The following DICER1 variants were observed in gnomAD, a reference collection of about 807,000 sequenced individuals.
DICER1 encodes the protein dicer 1, ribonuclease III, also known as endoribonuclease Dicer.
In DICER1, 43 loss-of-function variants were observed where a neutral mutation model predicts 194.1. That is an observed-to-expected ratio of 0.22 (90% CI 0.17 to 0.29). DICER1 has a LOEUF of 0.29. DICER1 is among the 10% of genes least tolerant of loss of function. The pLI is 1.00. For missense variants in DICER1, 1,608 were observed against 2,317.0 expected (o/e 0.69, Z 6.28); for synonymous variants, 832 against 820.5 (o/e 1.01, Z -0.24).
chr14:95,095,624 A>G, intron 23 of DICER1: 1 of 645,138 alleles, frequency 1.6e-6, no homozygotes, highest in South Asian at 1.8e-5. Flanking sequence ...CATACTCCCA[A>G]CAACCAAAGT....
intron 24 of DICER1, 114 bp downstream of exon 24, chr14:95,093,774 C>T (rs1890050910): frequency 8.7e-7 from 1 of 1,155,756 alleles, no homozygotes; most frequent in Non-Finnish European, 1.3e-6. Flanking sequence ...CACACTGGGT[C>T]CCACACCCCT....
chr14:95,135,477 G>A (rs976423098), intron 1 of DICER1, among the ~76,000 whole-genome samples: 1 of 152,110 alleles, frequency 6.6e-6, no homozygotes, highest in Non-Finnish European at 1.5e-5. Flanking sequence ...TTCTCATATA[G>A]ATAACATTAG....
intron 22 of DICER1, among the ~76,000 whole-genome samples, chr14:95,098,387 C>G (rs1324919046): frequency 1.3e-5 from 2 of 152,168 alleles, no homozygotes; most frequent in African/African-American, 4.8e-5. Flanking sequence ...AATGGCAATG[C>G]AACCAGCCAA....
At chr14:95,104,951 T>A in intron 20 of DICER1, 120 bp downstream of exon 20, 5 of 957,536 alleles carry the variant, frequency 5.2e-6, no homozygotes, top group East Asian at 2.7e-5. Flanking sequence ...ACATAAGATA[T>A]CCATTATTTT....
chr14:95,126,106 C>A (rs1200718714), intron 7 of DICER1, among the ~76,000 whole-genome samples: 1 of 152,096 alleles, frequency 6.6e-6, no homozygotes, highest in East Asian at 1.9e-4. Flanking sequence ...AAAATTCAGT[C>A]CTGAGGACCC....
intron 8 of DICER1, among the ~76,000 whole-genome samples, chr14:95,120,495 G>A (rs1396038117): frequency 2.0e-5 from 3 of 152,202 alleles, no homozygotes; most frequent in Admixed American, 1.3e-4. Context: ...AAAGTGGGCA[G>A]AAAAGAAACC....
rs796382591 is a variant in DICER1, at chr14:95,089,948, A to G, written c.*550T>C. 3.4e-5 allele frequency: 8 copies of G among 235,120 alleles called. No homozygotes were observed. The highest frequency in any genetic ancestry group is 1.8e-4 in the African/African-American group (8 of 45,420). The allele number at this position is 235,120 out of a possible 1,614,324, so 14.6% of individuals were successfully genotyped here. On this transcript the variant is annotated 3_prime_UTR_variant, in exon 27 of 27. Coordinates refer to ENST00000343455, the MANE Select transcript of DICER1 (RefSeq NM_177438.3). ...TCTGTCCCTTACTATCAGGTGCAACAGCGACCGGGAACATCACCTTACACA... is the reference window on the plus strand; with the variant it reads ...TCTGTCCCTTACTATCAGGTGCAACGGCGACCGGGAACATCACCTTACACA...
At chr14:95,118,417 A>G (rs1218215163) in intron 8 of DICER1, among the ~76,000 whole-genome samples, 1 of 152,200 alleles carries the variant, frequency 6.6e-6, no homozygotes, top group Non-Finnish European at 1.5e-5. Context: ...GCCACTGACC[A>G]AAATTCTGCA....
rs544097262 is a variant in DICER1, at chr14:95,120,480, T to C, written c.1377-2726A>G. ...TTAAATAACTTTCACAAAATATACA[T>C]CCACAAAGTGGGCAGAAAAGAAACC... On this transcript the variant is annotated intron_variant, in intron 8 of 26. Coordinates refer to ENST00000343455, the MANE Select transcript of DICER1 (RefSeq NM_177438.3). Among the ~76,000 whole-genome samples the C allele has an allele frequency of 2.5e-3, 387 of 152,214 alleles. 1 individual carries two copies. In the Middle Eastern group the frequency reaches 0.027, roughly 11 times the overall value.
At chr14:95,106,246 C>A (rs1891417600) in intron 17 of DICER1, 23 bp from the exon 18 acceptor site, 1 of 1,572,660 alleles carries the variant, frequency 6.4e-7, no homozygotes, top group Non-Finnish European at 8.7e-7. Flanking sequence ...AACAAAAAAA[C>A]AATCAGTTGC....
chr14:95,103,611 G>A lies in DICER1; in HGVS notation c.3785C>T (p.Pro1262Leu), dbSNP rs1595364864. 1 of 1,614,046 alleles carries A rather than the reference G, an allele frequency of 6.2e-7. No homozygotes were observed. Among genetic ancestry groups the A allele is most frequent in the Non-Finnish European group, 8.5e-7 (1 of 1,180,026 alleles). The change falls in exon 21 of 27, where the codon CCT becomes CTT. Residue 1262 changes from proline to leucine, a missense_variant. Pro to Leu is a moderately conservative substitution (Grantham distance 98, BLOSUM62 -3). Coordinates refer to ENST00000343455, the MANE Select transcript of DICER1 (RefSeq NM_177438.3). ...SDGSPVMAVM[P>L]GTTDTIQVLK... The stretch of plus-strand genomic sequence containing the variant: ...CACTTGAATAGTGTCTGTCGTACCA[G>A]GCATTACGGCCATCACAGGACTTCC...
intron 4 of DICER1, 74 bp from the exon 5 acceptor site, chr14:95,130,266 A>C: frequency 1.4e-6 from 2 of 1,428,860 alleles, no homozygotes; most frequent in Non-Finnish European, 1.9e-6. Flanking sequence ...ATCAGATCAT[A>C]GAGCCATTGT....
At chr14:95,134,902 C>A (rs118159910) in intron 1 of DICER1, among the ~76,000 whole-genome samples, 1 of 152,102 alleles carries the variant, frequency 6.6e-6, no homozygotes, top group Non-Finnish European at 1.5e-5. Context: ...ATGTTCTTCA[C>A]GAAAAATAAT....
intron 6 of DICER1, chr14:95,129,125 T>C (rs1264036046): frequency 5.0e-6 from 1 of 201,226 alleles, no homozygotes; most frequent in Non-Finnish European, 1.0e-5. Context: ...TTTGAAAGCA[T>C]CATGTAAGAC....
Position 95,088,582 on chromosome 14 carries a change from T to C in DICER1, c.*1916A>G, listed in dbSNP as rs2139751169. 4.3e-6 allele frequency: 1 copy of C among 232,124 alleles called. No homozygotes were observed. The highest frequency in any genetic ancestry group is 8.5e-6 in the Non-Finnish European group (1 of 117,360). The allele number at this position is 232,124 out of a possible 1,614,324, so 14.4% of individuals were successfully genotyped here. ...CATTAAGGTTTTTTAAAAAATCAAA[T>C]AGACATCTAAGGTTCCAAATCGGAA... On this transcript the variant is annotated 3_prime_UTR_variant, in exon 27 of 27. Transcript: ENST00000343455.
chr14:95,146,321 T>C (rs1011115131), intron 1 of DICER1, among the ~76,000 whole-genome samples: 7 of 152,224 alleles, frequency 4.6e-5, no homozygotes, highest in African/African-American at 1.4e-4. Context: ...ATCTTACATA[T>C]ACCTACACTT....
chr14:95,091,470 G>A (rs1326656426), intron 24 of DICER1, 105 bp from the exon 25 acceptor site: 5 of 1,014,850 alleles, frequency 4.9e-6, no homozygotes, highest in Admixed American at 1.7e-5. Flanking sequence ...TACTTCTTTA[G>A]TAAGGGGGGA....
intron 11 of DICER1, 95 bp downstream of exon 11, chr14:95,115,572 G>GT (rs1297788272): frequency 5.1e-6 from 7 of 1,383,266 alleles, no homozygotes; most frequent in Non-Finnish European, 7.2e-6. Context: ...GTAAAGACTG[G>GT]TAACCGCAAA....
rs1595305385 is a variant in DICER1 at position 95,088,980 on chromosome 14, G to A, written c.*1518C>T. 1 of 233,188 alleles carries A rather than the reference G, an allele frequency of 4.3e-6. No individual in the cohort carries two copies. Among genetic ancestry groups the A allele is most frequent in the Non-Finnish European group, 8.5e-6 (1 of 117,924 alleles). 14.4% of individuals were successfully genotyped at this position (233,188 alleles called of 1,614,324 possible). A position where few individuals can be genotyped will look rare whatever the true frequency, so the allele number is the denominator to read the frequency against. On this transcript the variant is annotated 3_prime_UTR_variant, in exon 27 of 27. Coordinates refer to ENST00000343455, the MANE Select transcript of DICER1 (RefSeq NM_177438.3). ...AATTGCAGCAAACCTCTACTGGTAT[G>A]TTGATGGGAGTGCAAGACTGACCCA...
Sources: gnomAD v4.1 joint callset for allele counts (sites outside exome capture counted in the v4.1 genomes callset) on GRCh38, gnomAD v4.1.1 for gene constraint, MANE v1.5 for transcripts, NCBI Gene and HGNC (gene_info 2026-07-23, HGNC 2026-07-21) for gene names.